The following LRRC69 variants were observed in gnomAD, a reference collection of about 807,000 sequenced individuals.
The protein encoded by LRRC69 is leucine rich repeat containing 69, also known as leucine-rich repeat-containing protein 69.
Under a neutral mutation model 37.8 loss-of-function variants are expected in LRRC69, and 42 were observed. The ratio of observed to expected loss-of-function variants is 1.11; its 90% CI spans 0.87 to 1.44. LRRC69 has a LOEUF of 1.44. Ranked by LOEUF, LRRC69 falls within the 40% of genes most tolerant of loss-of-function variation. LRRC69 has a pLI of 0.00. For missense variants in LRRC69, 357 were observed against 401.9 expected (o/e 0.89, Z 0.96); for synonymous variants, 141 against 143.1 (o/e 0.99, Z 0.11).
intron 5 of LRRC69, chr8:91,157,313 C>A: frequency 6.2e-7 from 1 of 1,608,374 alleles, no homozygotes; most frequent in South Asian, 1.1e-5. Context: ...CATGTGGCAC[C>A]CACAGAAACA....
At chr8:91,181,278 A>C (rs1467086775) in intron 5 of LRRC69, among the ~76,000 whole-genome samples, 1 of 152,178 alleles carries the variant, frequency 6.6e-6, no homozygotes, top group East Asian at 1.9e-4. Context: ...TATATAACTG[A>C]AGAGTCATTG....
chr8:91,180,919 T>C (rs924081886), intron 5 of LRRC69, among the ~76,000 whole-genome samples: 16 of 151,984 alleles, frequency 1.1e-4, no homozygotes, highest in African/African-American at 3.9e-4. Context: ...ACAAGGATAA[T>C]TGTGTAGAAA....
chr8:91,174,659 TA>T (rs1012064352), intron 5 of LRRC69, among the ~76,000 whole-genome samples: 3 of 152,262 alleles, frequency 2.0e-5, no homozygotes, highest in African/African-American at 7.2e-5. Context: ...GAATACATTT[TA>T]AAATGGAATT....
At chr8:91,151,920 T>C (rs911461105) in intron 5 of LRRC69, among the ~76,000 whole-genome samples, 16 of 151,786 alleles carry the variant, frequency 1.1e-4, no homozygotes, top group Non-Finnish European at 1.8e-4. Context: ...TTTTTTCATA[T>C]GTTTCTTGGC....
At chr8:91,118,944 A>G (rs1466869527) in intron 1 of LRRC69, among the ~76,000 whole-genome samples, 1 of 152,122 alleles carries the variant, frequency 6.6e-6, no homozygotes, top group Non-Finnish European at 1.5e-5. Flanking sequence ...GTACTTCTCT[A>G]ATGACTCAAT....
At chr8:91,183,364 G>A (rs1809354374) in intron 5 of LRRC69, among the ~76,000 whole-genome samples, 1 of 152,208 alleles carries the variant, frequency 6.6e-6, no homozygotes. Context: ...GTAGTGGCAG[G>A]AAAGGTGGAA....
At chr8:91,140,639 A>ATTTTTTTTT (rs71266165) in intron 5 of LRRC69, among the ~76,000 whole-genome samples, 6 of 23,250 alleles carry the variant, frequency 2.6e-4, no homozygotes, top group East Asian at 1.9e-3. Flanking sequence ...TCAATATGTG[A>ATTTTTTTTT]TTTTTTTTTT....
At chr8:91,150,750 C>A (rs1808719707) in intron 5 of LRRC69, among the ~76,000 whole-genome samples, 1 of 151,908 alleles carries the variant, frequency 6.6e-6, no homozygotes, top group African/African-American at 2.4e-5. Context: ...TTAATTATTG[C>A]CTCAATTTCA....
chr8:91,118,763 GCCTT>G (rs1813563893), intron 1 of LRRC69, among the ~76,000 whole-genome samples: 1 of 152,134 alleles, frequency 6.6e-6, no homozygotes, highest in African/African-American at 2.4e-5. Flanking sequence ...TATGACTAAA[GCCTT>G]CCTTCAGGAA....
At chr8:91,104,573 C>T (rs144860716) in intron 1 of LRRC69, among the ~76,000 whole-genome samples, 63 of 151,726 alleles carry the variant, frequency 4.2e-4, no homozygotes, top group Middle Eastern at 6.8e-3. Context: ...TAATTTTTTT[C>T]TGTCAAATGT....
Position 91,157,693 on chromosome 8 carries a change from C to T in LRRC69, c.651+21954C>T, listed in dbSNP as rs377156986. On this transcript the variant is annotated intron_variant, in intron 5 of 7. Coordinates refer to ENST00000448384, the Ensembl canonical transcript of LRRC69. Reference sequence around the variant, plus strand: ...TACAGCTAGCTGATCATTACACAGGCGGCATGAAGCAAAAATATACTGTGA... The same window carrying T: ...TACAGCTAGCTGATCATTACACAGGTGGCATGAAGCAAAAATATACTGTGA... The T allele has an allele frequency of 1.1e-5, 17 of 1,597,278 alleles. 1 individual carries two copies. The highest frequency in any genetic ancestry group is 1.0e-4 in the Admixed American group (6 of 58,962).
chr8:91,122,595 A>C (rs545663895), intron 1 of LRRC69, among the ~76,000 whole-genome samples: 1 of 152,016 alleles, frequency 6.6e-6, no homozygotes, highest in South Asian at 2.1e-4. Context: ...ACCAGCATTC[A>C]TGAAACTGTG....
intron 5 of LRRC69, among the ~76,000 whole-genome samples, chr8:91,153,122 A>G (rs1033769150): frequency 6.6e-6 from 1 of 151,312 alleles, no homozygotes; most frequent in African/African-American, 2.4e-5. Flanking sequence ...ATCAAAAAAG[A>G]AAAGGGCAGT....
chr8:91,189,512 G>C lies in LRRC69; in HGVS notation c.652-10G>C. The C allele has an allele frequency of 6.5e-7, 1 of 1,531,094 alleles. No homozygotes were observed. The highest frequency in any genetic ancestry group is 8.8e-7 in the Non-Finnish European group (1 of 1,130,550). The allele number at this position is 1,531,094 out of a possible 1,614,324, so 94.8% of individuals were successfully genotyped here. On this transcript the variant is annotated splice_polypyrimidine_tract_variant and intron_variant, in intron 5 of 7. Transcript: ENST00000448384. ...TGTTGTGCAATAAGGTTTTTATTTT[G>C]TTTGAAAAGTTTCAGGATCTGAAGC...
At chr8:91,198,599 A>G (rs915771774) in intron 6 of LRRC69, among the ~76,000 whole-genome samples, 9 of 152,198 alleles carry the variant, frequency 5.9e-5, no homozygotes, top group African/African-American at 2.2e-4. Context: ...TAGGACATAT[A>G]AAATCAATTT....
At position 91,120,201 on chromosome 8, in the gene LRRC69, A is replaced by G. The variant is rs763356673; in HGVS notation, c.184-4292A>G. ...CTTCACCCCTATTTTCAAGGTCACT[A>G]ATCACTTTCCAATTGCTAAATCCAG... On this transcript the variant is annotated intron_variant, in intron 1 of 7. Coordinates refer to ENST00000448384, the Ensembl canonical transcript of LRRC69. 5.9e-5 allele frequency among the ~76,000 whole-genome samples: 9 copies of G among 152,064 alleles called. 1 individual carries two copies. Among genetic ancestry groups the G allele is most frequent in the Admixed American group, 6.6e-5 (1 of 15,252 alleles).
chr8:91,199,367 A>G (rs1319828582), intron 6 of LRRC69, among the ~76,000 whole-genome samples: 1 of 152,240 alleles, frequency 6.6e-6, no homozygotes, highest in Non-Finnish European at 1.5e-5. Context: ...GAACGATCAG[A>G]CAAATAAAGA....
chr8:91,199,907 A>G (rs1180908296), intron 6 of LRRC69, among the ~76,000 whole-genome samples: 2 of 152,020 alleles, frequency 1.3e-5, no homozygotes, highest in African/African-American at 4.8e-5. Flanking sequence ...TCCCTTTATT[A>G]TTTAGTATTT....
chr8:91,132,249 A>G (rs1813821485), intron 3 of LRRC69, among the ~76,000 whole-genome samples: 1 of 151,982 alleles, frequency 6.6e-6, no homozygotes, highest in African/African-American at 2.4e-5. Context: ...CTAGATAGGT[A>G]ACTTGGGGAA....
Sources: allele counts gnomAD v4.1 joint callset (sites outside exome capture counted in the v4.1 genomes callset), GRCh38; gene constraint gnomAD v4.1.1; transcripts MANE v1.5; gene names NCBI Gene and HGNC (gene_info 2026-07-23, HGNC 2026-07-21).